Variants in RGS6 observed in about 807,000 individuals in gnomAD.
RGS6 encodes the protein regulator of G protein signaling 6.
A neutral mutation model predicts 78.5 loss-of-function variants in RGS6; 30 were observed. The observed-to-expected ratio is 0.38, with a 90% CI of 0.29 to 0.52. The LOEUF (loss-of-function observed/expected upper bound fraction) is 0.52. Ranked by LOEUF, RGS6 falls within the 20% of genes least tolerant of loss-of-function variation. The pLI, the probability that RGS6 is intolerant of heterozygous loss-of-function variation, is 0.85. For synonymous variants in RGS6, 206 were observed against 206.0 expected (o/e 1.00, Z 0.00); for missense variants, 495 against 609.7 (o/e 0.81, Z 1.98).
chr14:72,490,673 A>G (rs569683106), intron 12 of RGS6, among the ~76,000 whole-genome samples: 2 of 152,266 alleles, frequency 1.3e-5, no homozygotes, highest in East Asian at 3.9e-4. Flanking sequence ...CAAGAATTCA[A>G]ACTAAGGCTT....
At chr14:71,894,740 A>G in the RGS6 span, among the ~76,000 whole-genome samples, 1 of 152,240 alleles carries the variant, frequency 6.6e-6, no homozygotes, top group Non-Finnish European at 1.5e-5. Flanking sequence ...TTTACAGAAT[A>G]GAATATATGA....
chr14:72,360,768 A>C (rs1433294290), intron 3 of RGS6, among the ~76,000 whole-genome samples: 1 of 152,158 alleles, frequency 6.6e-6, no homozygotes, highest in Non-Finnish European at 1.5e-5. Context: ...TAGAACTTTG[A>C]TTGTGACTGA....
intron 2 of RGS6, among the ~76,000 whole-genome samples, chr14:72,239,135 G>A (rs2052032478): frequency 6.6e-6 from 1 of 152,130 alleles, no homozygotes; most frequent in Non-Finnish European, 1.5e-5. Context: ...AGCACCTGAA[G>A]GTCAAGAGCC....
At chr14:72,198,069 C>T (rs1441282412) in intron 2 of RGS6, among the ~76,000 whole-genome samples, 3 of 152,034 alleles carry the variant, frequency 2.0e-5, no homozygotes, top group African/African-American at 4.8e-5. Flanking sequence ...TTATTAATCT[C>T]CAACATCTTG....
chr14:71,959,178 A>T (rs1176530641), intron 1 of RGS6, among the ~76,000 whole-genome samples: 2 of 152,132 alleles, frequency 1.3e-5, no homozygotes, highest in Non-Finnish European at 2.9e-5. Flanking sequence ...AGGAAGAGTG[A>T]TTTGTTATTT....
At chr14:72,345,124 C>T (rs1189002477) in intron 2 of RGS6, among the ~76,000 whole-genome samples, 1 of 152,164 alleles carries the variant, frequency 6.6e-6, no homozygotes, top group Non-Finnish European at 1.5e-5. Context: ...ATATGCTTTT[C>T]CTGATAAAAG....
At chr14:72,186,522 G>T (rs1474443194) in intron 2 of RGS6, among the ~76,000 whole-genome samples, 1 of 152,060 alleles carries the variant, frequency 6.6e-6, no homozygotes, top group Non-Finnish European at 1.5e-5. Flanking sequence ...CAAGAACTTC[G>T]GTCTAATTGG....
At chr14:72,334,487 C>G (rs1049791975) in intron 2 of RGS6, among the ~76,000 whole-genome samples, 1 of 152,198 alleles carries the variant, frequency 6.6e-6, no homozygotes, top group Non-Finnish European at 1.5e-5. Flanking sequence ...CATCAATCAC[C>G]TTGATGGCAG....
chr14:71,943,875 G>C (rs1382437523), intron 1 of RGS6, among the ~76,000 whole-genome samples: 1 of 152,178 alleles, frequency 6.6e-6, no homozygotes, highest in East Asian at 1.9e-4. Flanking sequence ...GCTAGTATTG[G>C]TAGGAATTCA....
chr14:72,471,212 T>C (rs2096069461), intron 8 of RGS6, among the ~76,000 whole-genome samples: 1 of 152,246 alleles, frequency 6.6e-6, no homozygotes, highest in African/African-American at 2.4e-5. Flanking sequence ...GAAGGGTTTT[T>C]CCCAGATTTT....
At chr14:72,614,464 C>G in the RGS6 span, among the ~76,000 whole-genome samples, 3 of 152,160 alleles carry the variant, frequency 2.0e-5, no homozygotes, top group African/African-American at 2.4e-5. Flanking sequence ...GCCAGTCCCC[C>G]TCTTCCCTTC....
chr14:72,562,868 CAA>C lies in RGS6; in HGVS notation c.*402_*403del. 1 of 979,104 alleles carries C rather than the reference CAA, an allele frequency of 1.0e-6. No homozygotes were observed. The highest frequency in any genetic ancestry group is 1.6e-6 in the Non-Finnish European group (1 of 640,198). 60.7% of individuals were successfully genotyped at this position (979,104 alleles called of 1,614,324 possible). A position where few individuals can be genotyped will look rare whatever the true frequency, so the allele number is the denominator to read the frequency against. ...AGACGGTCACACCTTCTGGCAAATT[CAA>C]GAGGCATGAGTGGACCGAGAGCACA... is the stretch of plus-strand genomic sequence containing the variant. On this transcript the variant is annotated 3_prime_UTR_variant, in exon 18 of 18. Transcript: ENST00000553525.
intron 17 of RGS6, chr14:72,541,419 C>G (rs1186161143): frequency 9.9e-6 from 15 of 1,521,968 alleles, no homozygotes; most frequent in Non-Finnish European, 1.3e-5. Flanking sequence ...GTATCCATCC[C>G]TTCCCTTCCT....
At chr14:72,213,858 T>G (rs1173568264) in intron 2 of RGS6, among the ~76,000 whole-genome samples, 2 of 152,184 alleles carry the variant, frequency 1.3e-5, no homozygotes, top group Admixed American at 6.5e-5. Context: ...CTTACCTAAG[T>G]CTAGGTTTGT....
chr14:71,936,552 C>G (rs1566865353), intron 1 of RGS6, among the ~76,000 whole-genome samples: 1 of 152,154 alleles, frequency 6.6e-6, no homozygotes, highest in Non-Finnish European at 1.5e-5. Flanking sequence ...CCATACATAT[C>G]TCCTGAGATC....
At chr14:72,331,461 G>T (rs1567775908) in intron 2 of RGS6, among the ~76,000 whole-genome samples, 1 of 152,166 alleles carries the variant, frequency 6.6e-6, no homozygotes, top group Non-Finnish European at 1.5e-5. Flanking sequence ...GGAATATGGT[G>T]CAGTATTCAG....
intron 3 of RGS6, among the ~76,000 whole-genome samples, chr14:72,397,905 T>C (rs1038372252): frequency 3.3e-5 from 5 of 152,198 alleles, no homozygotes; most frequent in African/African-American, 4.8e-5. Context: ...TGAAGCCCAC[T>C]TGATTATGGT....
At chr14:72,100,436 A>G (rs1179821172) in intron 2 of RGS6, among the ~76,000 whole-genome samples, 1 of 152,160 alleles carries the variant, frequency 6.6e-6, no homozygotes, top group African/African-American at 2.4e-5. Context: ...CAGAGGTTAC[A>G]GTGAGCCAAG....
At chr14:72,502,246 G>A (rs567573836) in intron 13 of RGS6, among the ~76,000 whole-genome samples, 2 of 152,300 alleles carry the variant, frequency 1.3e-5, no homozygotes, top group East Asian at 3.9e-4. Flanking sequence ...AGCCTCTGCT[G>A]AGCTCCTGGT....
Sources: gnomAD v4.1 joint callset for allele counts (sites outside exome capture counted in the v4.1 genomes callset) on GRCh38, gnomAD v4.1.1 for gene constraint, MANE v1.5 for transcripts, NCBI Gene and HGNC (gene_info 2026-07-23, HGNC 2026-07-21) for gene names.